The following LHFPL2 variants were observed in gnomAD, a reference collection of about 807,000 sequenced individuals.
The protein encoded by LHFPL2 is LHFPL tetraspan subfamily member 2.
LHFPL2 carries 7 observed loss-of-function variants against 17.5 expected under a neutral mutation model. The ratio of observed to expected loss-of-function variants is 0.40; its 90% CI spans 0.23 to 0.75. LHFPL2 has a LOEUF of 0.75. LHFPL2 is among the 30% of genes least tolerant of loss of function. LHFPL2 has a pLI of 0.37. For synonymous variants in LHFPL2, 134 were observed against 116.2 expected, an observed-to-expected ratio of 1.15 and a Z score of -0.99; for missense variants, 241 against 294.8, an observed-to-expected ratio of 0.82 and a Z score of 1.34.
chr5:78,524,380 T>C (rs1314370275), intron 3 of LHFPL2, among the ~76,000 whole-genome samples: 3 of 152,152 alleles, frequency 2.0e-5, no homozygotes, highest in East Asian at 3.8e-4. Context: ...AAAGAAAAAA[T>C]GTCTGGCGTA....
At chr5:78,642,665 T>TCC (rs1745715268) in intron 1 of LHFPL2, among the ~76,000 whole-genome samples, 1 of 152,102 alleles carries the variant, frequency 6.6e-6, no homozygotes, top group East Asian at 1.9e-4. Context: ...CCCTCTATCA[T>TCC]CTCTAGCTCC....
rs185306539 is a variant in LHFPL2, at chr5:78,535,988, G to A, written c.-185-25590C>T. On this transcript the variant is annotated intron_variant, in intron 3 of 4. Transcript: ENST00000380345. Reference sequence around the variant, plus strand: ...CATGGGGACATGGGAGTCACATGGCGTGTGGGACACCTGTGCAGAGGTATT... The same window carrying A: ...CATGGGGACATGGGAGTCACATGGCATGTGGGACACCTGTGCAGAGGTATT... 6.6e-5 allele frequency among the ~76,000 whole-genome samples: 10 copies of A among 152,310 alleles called. No individual in the cohort carries two copies. The East Asian group carries it at 7.7e-4, about 12-fold the overall frequency.
At chr5:78,647,066 A>T (rs1745912185) in intron 1 of LHFPL2, among the ~76,000 whole-genome samples, 1 of 152,230 alleles carries the variant, frequency 6.6e-6, no homozygotes, top group African/African-American at 2.4e-5. Flanking sequence ...AGAGAAAAAT[A>T]CTATTATAAG....
chr5:78,579,284 A>G (rs555758036), intron 2 of LHFPL2, among the ~76,000 whole-genome samples: 2 of 151,306 alleles, frequency 1.3e-5, no homozygotes, highest in East Asian at 3.9e-4. Context: ...ATTTTCTGTT[A>G]CTGCTAAGAT....
intron 3 of LHFPL2, among the ~76,000 whole-genome samples, chr5:78,522,686 G>C (rs1414980399): frequency 6.6e-6 from 1 of 152,152 alleles, no homozygotes; most frequent in Non-Finnish European, 1.5e-5. Context: ...GGAAGGCAGG[G>C]AAGGAGACCT....
intron 3 of LHFPL2, among the ~76,000 whole-genome samples, chr5:78,560,076 C>T (rs1189352531): frequency 2.0e-5 from 3 of 152,292 alleles, no homozygotes; most frequent in South Asian, 2.1e-4. Flanking sequence ...ACAAGAAAAG[C>T]GGCCAGTGTC....
chr5:78,645,022 T>C (rs556142353), intron 1 of LHFPL2, among the ~76,000 whole-genome samples: 12 of 152,278 alleles, frequency 7.9e-5, no homozygotes, highest in African/African-American at 2.9e-4. Context: ...AACTGAATAC[T>C]TTCTAAAGTA....
chr5:78,638,625 G>T (rs181901691), intron 1 of LHFPL2, among the ~76,000 whole-genome samples: 8 of 152,266 alleles, frequency 5.3e-5, no homozygotes, highest in African/African-American at 1.9e-4. Context: ...CCAACCCTCT[G>T]CCCTCCGGCC....
chr5:78,593,772 G>A (rs1580841994), intron 2 of LHFPL2, among the ~76,000 whole-genome samples: 1 of 152,078 alleles, frequency 6.6e-6, no homozygotes, highest in African/African-American at 2.4e-5. Context: ...CAGCCTAGAG[G>A]AGCAAGGCTG....
intron 2 of LHFPL2, among the ~76,000 whole-genome samples, chr5:78,571,058 G>A (rs549591561): frequency 6.6e-6 from 1 of 152,280 alleles, no homozygotes; most frequent in African/African-American, 2.4e-5. Context: ...GGAAAGAGAA[G>A]GTGGAAAAGC....
intron 3 of LHFPL2, among the ~76,000 whole-genome samples, chr5:78,521,512 C>T (rs1351265679): frequency 2.0e-5 from 3 of 152,130 alleles, no homozygotes; most frequent in Non-Finnish European, 2.9e-5. Context: ...TCAACAACAC[C>T]ATGGATAGAT....
intron 3 of LHFPL2, among the ~76,000 whole-genome samples, chr5:78,518,396 G>A (rs2003163): frequency 0.41 from 63,026 of 152,082 alleles, 13,517 homozygotes; most frequent in African/African-American, 0.51. Context: ...ACTTTCCCTA[G>A]TGAGAATGCC....
Position 78,486,914 on chromosome 5 carries a change from G to A in LHFPL2, c.*1983C>T, listed in dbSNP as rs1329988059. 6.6e-6 allele frequency: 1 copy of A among 152,140 alleles called. No homozygotes were observed. Among genetic ancestry groups the A allele is most frequent in the Non-Finnish European group, 1.5e-5 (1 of 68,016 alleles). The allele number at this position is 152,140 out of a possible 1,614,324, so 9.4% of individuals were successfully genotyped here. A position where few individuals can be genotyped will look rare whatever the true frequency, so the allele number is the denominator to read the frequency against. ...AAGTGAGTCTTCTGATAAGTTTATGGAAAAATTTTGTGTTTTTCATCAAGG... is the reference window on the plus strand; with the variant it reads ...AAGTGAGTCTTCTGATAAGTTTATGAAAAAATTTTGTGTTTTTCATCAAGG... On this transcript the variant is annotated 3_prime_UTR_variant, in exon 5 of 5. Coordinates refer to ENST00000380345, the MANE Select transcript of LHFPL2 (RefSeq NM_005779.3).
At position 78,572,133 on chromosome 5, in the gene LHFPL2, G is replaced by A. The variant is rs1161679897; in HGVS notation, c.-244-7262C>T. Among the ~76,000 whole-genome samples, 3 of 152,100 alleles carry A rather than the reference G, an allele frequency of 2.0e-5. No homozygotes were observed. The South Asian group carries it at 6.2e-4, about 32-fold the overall frequency. On this transcript the variant is annotated intron_variant, in intron 2 of 4. Coordinates refer to ENST00000380345, the MANE Select transcript of LHFPL2 (RefSeq NM_005779.3). ...AGTACCTAGCTGGGCAACCAGGTAGGGGGGATTCCAGTAGCACAGGCAATA... is the reference window on the plus strand; with the variant it reads ...AGTACCTAGCTGGGCAACCAGGTAGAGGGGATTCCAGTAGCACAGGCAATA...
intron 4 of LHFPL2, among the ~76,000 whole-genome samples, chr5:78,490,255 C>T (rs1330384330): frequency 2.6e-5 from 4 of 152,162 alleles, no homozygotes. Context: ...CCTAGTCCCA[C>T]CAGAGCTAGG....
chr5:78,534,086 T>C (rs995350673), intron 3 of LHFPL2, among the ~76,000 whole-genome samples: 27 of 152,060 alleles, frequency 1.8e-4, no homozygotes, highest in Non-Finnish European at 4.4e-5. Context: ...AGGAGGGATA[T>C]GACAACAACA....
At chr5:78,604,712 T>C (rs1414198873) in intron 2 of LHFPL2, among the ~76,000 whole-genome samples, 2 of 152,238 alleles carry the variant, frequency 1.3e-5, no homozygotes, top group East Asian at 3.8e-4. Context: ...GTTATTACTG[T>C]ACCTGTCTGC....
chr5:78,588,194 A>G (rs1168689488), intron 2 of LHFPL2, among the ~76,000 whole-genome samples: 5 of 152,228 alleles, frequency 3.3e-5, no homozygotes, highest in Non-Finnish European at 5.9e-5. Context: ...TTTAAGAGAC[A>G]GCATCTGGCT....
intron 3 of LHFPL2, among the ~76,000 whole-genome samples, chr5:78,535,181 G>C (rs1282434189): frequency 2.6e-5 from 4 of 152,174 alleles, no homozygotes; most frequent in Non-Finnish European, 4.4e-5. Flanking sequence ...AGACATCAAG[G>C]AGTGGTGTCG....
Sources: gnomAD v4.1 joint callset for allele counts (sites outside exome capture counted in the v4.1 genomes callset) on GRCh38, gnomAD v4.1.1 for gene constraint, MANE v1.5 for transcripts, NCBI Gene and HGNC (gene_info 2026-07-23, HGNC 2026-07-21) for gene names.